RORB: variants seen among roughly 807,000 people sequenced by gnomAD.
The protein encoded by RORB is nuclear receptor ROR-beta.
A neutral mutation model predicts 59.1 loss-of-function variants in RORB; 6 were observed. That is an observed-to-expected ratio of 0.10 (90% CI 0.06 to 0.20). The LOEUF (loss-of-function observed/expected upper bound fraction) is 0.20. Ranked by LOEUF, RORB falls within the 10% of genes least tolerant of loss-of-function variation. The pLI, the probability that RORB is intolerant of heterozygous loss-of-function variation, is 1.00. For missense variants in RORB, 320 were observed against 560.5 expected, an observed-to-expected ratio of 0.57 and a Z score of 4.33; for synonymous variants, 215 against 204.5, an observed-to-expected ratio of 1.05 and a Z score of -0.44.
At chr9:74,516,945 T>C (rs564697060) in intron 1 of RORB, among the ~76,000 whole-genome samples, 17 of 151,740 alleles carry the variant, frequency 1.1e-4, no homozygotes, top group Admixed American at 2.6e-4. Flanking sequence ...TTTACATAGC[T>C]GTGGAAGGTT....
intron 1 of RORB, among the ~76,000 whole-genome samples, chr9:74,509,003 A>G (rs894049459): frequency 6.6e-6 from 1 of 151,998 alleles, no homozygotes; most frequent in African/African-American, 2.4e-5. Flanking sequence ...CTAAGTCTGA[A>G]TGCAACCTCC....
chr9:74,653,797 C>T (rs1824034587), intron 4 of RORB, among the ~76,000 whole-genome samples: 1 of 69,444 alleles, frequency 1.4e-5, no homozygotes, highest in Non-Finnish European at 3.3e-5. Flanking sequence ...GCGCCATTTG[C>T]TGAAATGTCT....
chr9:74,633,249 G>A (rs896457454), intron 2 of RORB, among the ~76,000 whole-genome samples: 2 of 152,208 alleles, frequency 1.3e-5, no homozygotes, highest in Admixed American at 6.5e-5. Context: ...AATTTTAGGC[G>A]ACCTTTAAAT....
intron 1 of RORB, among the ~76,000 whole-genome samples, chr9:74,561,969 A>G (rs1471280716): frequency 1.3e-5 from 2 of 152,198 alleles, no homozygotes; most frequent in African/African-American, 2.4e-5. Flanking sequence ...TTTGTCTGAT[A>G]TCTTCATGAG....
At chr9:74,520,550 T>A (rs893288395) in intron 1 of RORB, among the ~76,000 whole-genome samples, 1 of 151,914 alleles carries the variant, frequency 6.6e-6, no homozygotes, top group Admixed American at 6.6e-5. Context: ...AAATATCAAA[T>A]CTACTAGGTT....
chr9:74,570,830 G>A (rs909467510), intron 1 of RORB, among the ~76,000 whole-genome samples: 1 of 151,972 alleles, frequency 6.6e-6, no homozygotes, highest in East Asian at 1.9e-4. Flanking sequence ...TATATCATCA[G>A]AACATATGTG....
At chr9:74,576,996 C>T (rs1410004918) in intron 1 of RORB, among the ~76,000 whole-genome samples, 2 of 152,064 alleles carry the variant, frequency 1.3e-5, no homozygotes, top group Non-Finnish European at 2.9e-5. Context: ...TGCTCTACCC[C>T]GTCAACATTG....
chr9:74,667,705 A>T, intron 7 of RORB, 86 bp from the exon 8 acceptor site: 1 of 817,536 alleles, frequency 1.2e-6, no homozygotes, highest in Non-Finnish European at 2.2e-6. Flanking sequence ...ACCTCCTTGG[A>T]TAGCTTATTG....
chr9:74,568,564 G>C (rs916220352), intron 1 of RORB, among the ~76,000 whole-genome samples: 1 of 151,858 alleles, frequency 6.6e-6, no homozygotes, highest in Non-Finnish European at 1.5e-5. Flanking sequence ...GCCAGGTGTG[G>C]TGGTGGGCAC....
intron 1 of RORB, among the ~76,000 whole-genome samples, chr9:74,512,899 C>A (rs912578046): frequency 1.3e-5 from 2 of 152,106 alleles, no homozygotes; most frequent in Admixed American, 6.6e-5. Context: ...ACACGGAAAA[C>A]TTCCATTGCA....
In RORB at chr9:74,639,566, CAA is replaced by C. The variant is rs145223277; in HGVS notation, c.236-2847_236-2846del. ...TTGTGTTGGAAGAGTTTCTTATTCTCAATCTTTAATTCCTATAAATTTTGAAC... is the reference window on the plus strand; with the variant it reads ...TTGTGTTGGAAGAGTTTCTTATTCTCTCTTTAATTCCTATAAATTTTGAAC... On this transcript the variant is annotated intron_variant, in intron 3 of 9. Transcript: ENST00000376896. Among the ~76,000 whole-genome samples the C allele has an allele frequency of 6.6e-3, 1,007 of 151,504 alleles. 12 individuals carry two copies. Among genetic ancestry groups the C allele is most frequent in the African/African-American group, 0.023 (968 of 41,338 alleles).
chr9:74,671,714 C>T (rs1320018509), intron 8 of RORB, 75 bp from the exon 9 acceptor site: 18 of 795,334 alleles, frequency 2.3e-5, no homozygotes, highest in Middle Eastern at 2.4e-4. Flanking sequence ...GGGTCTGAAG[C>T]TTGGCACTTA....
chr9:74,497,445 T>G lies in RORB; in HGVS notation c.-532T>G, dbSNP rs1202514860. 6.3e-6 allele frequency: 1 copy of G among 157,806 alleles called. No individual in the cohort carries two copies. Among genetic ancestry groups the G allele is most frequent in the East Asian group, 1.9e-4 (1 of 5,360 alleles). The allele number at this position is 157,806 out of a possible 1,614,324, so 9.8% of individuals were successfully genotyped here. A position where few individuals can be genotyped will look rare whatever the true frequency, so the allele number is the denominator to read the frequency against. On this transcript the variant is annotated 5_prime_UTR_variant, in exon 1 of 10. The change abolishes an upstream ATG in the 5' untranslated region. Coordinates refer to ENST00000376896, the MANE Select transcript of RORB (RefSeq NM_006914.4). The stretch of plus-strand genomic sequence containing the variant: ...CACAGATGTCATGTGAAAACGCACA[T>G]GCTCTGCCATCCACACCGCCTTTCT...
rs112860006 is a variant in RORB at position 74,649,073 on chromosome 9, C to T, written c.637+6258C>T. On this transcript the variant is annotated intron_variant, in intron 4 of 9. Transcript: ENST00000376896. ...CCACCTACCAGGTTCAAGTGATTCT[C>T]CTGCCTCAGCATCTCAAGTAGCTGG... 5.6e-3 allele frequency among the ~76,000 whole-genome samples: 856 copies of T among 151,828 alleles called. 2 individuals are homozygous for T. The highest frequency in any genetic ancestry group is 0.01 in the Middle Eastern group (3 of 292).
chr9:74,677,257 C>T lies in RORB; in HGVS notation c.1224+5356C>T, dbSNP rs573089945. ...GGCTCAGGAAGACGAGAAAGGGAGG[C>T]GTTCCTTTCATTTCCTGACTTCTGA... is the stretch of plus-strand genomic sequence containing the variant. On this transcript the variant is annotated intron_variant, in intron 9 of 9. Coordinates refer to ENST00000376896, the MANE Select transcript of RORB (RefSeq NM_006914.4). Among the ~76,000 whole-genome samples the T allele has an allele frequency of 5.5e-4, 83 of 152,250 alleles. 1 individual carries two copies. Among genetic ancestry groups the T allele is most frequent in the African/African-American group, 1.8e-3 (76 of 41,556 alleles).
chr9:74,571,969 G>T (rs1202111207), intron 1 of RORB, among the ~76,000 whole-genome samples: 1 of 152,024 alleles, frequency 6.6e-6, no homozygotes, highest in Non-Finnish European at 1.5e-5. Flanking sequence ...CCTGGTTTCT[G>T]CATAACATCA....
chr9:74,548,429 C>A (rs1300956092), intron 1 of RORB, among the ~76,000 whole-genome samples: 1 of 152,200 alleles, frequency 6.6e-6, no homozygotes, highest in Non-Finnish European at 1.5e-5. Context: ...AATGCAGGGA[C>A]AAACCCTACA....
chr9:74,515,578 T>C (rs185473507), intron 1 of RORB, among the ~76,000 whole-genome samples: 49 of 152,152 alleles, frequency 3.2e-4, no homozygotes, highest in Admixed American at 5.2e-4. Context: ...TCCAAGAATC[T>C]AAAATAGCTG....
In RORB at chr9:74,692,550, T is replaced by C. The variant is rs924954267; in HGVS notation, c.*6932T>C. 1.3e-5 allele frequency: 2 copies of C among 152,184 alleles called. No individual in the cohort carries two copies. The highest frequency in any genetic ancestry group is 2.9e-5 in the Non-Finnish European group (2 of 68,028). The allele number at this position is 152,184 out of a possible 1,614,324, so 9.4% of individuals were successfully genotyped here. On this transcript the variant is annotated 3_prime_UTR_variant, in exon 10 of 10. Coordinates refer to ENST00000376896, the MANE Select transcript of RORB (RefSeq NM_006914.4). Reference sequence around the variant, plus strand: ...GGCTTGGCTGTGCCCACTAACCTACTGCGCCTGGGGGGCAGCATGGGAGGG... The same window carrying C: ...GGCTTGGCTGTGCCCACTAACCTACCGCGCCTGGGGGGCAGCATGGGAGGG...
Sources: allele counts gnomAD v4.1 joint callset (sites outside exome capture counted in the v4.1 genomes callset), GRCh38; gene constraint gnomAD v4.1.1; transcripts MANE v1.5; gene names NCBI Gene and HGNC (gene_info 2026-07-23, HGNC 2026-07-21).